Variants in ZNF346 observed in about 807,000 individuals in gnomAD.
The protein encoded by ZNF346 is zinc finger protein 346, also known as double-stranded RNA-binding zinc finger protein JAZ.
ZNF346 carries 23 observed loss-of-function variants against 33.7 expected under a neutral mutation model. That is an observed-to-expected ratio of 0.68 (90% CI 0.49 to 0.97). The LOEUF (loss-of-function observed/expected upper bound fraction) is 0.97, where lower values mean the gene tolerates loss of function less well. Ranked by LOEUF, ZNF346 falls within the 50% of genes least tolerant of loss-of-function variation. ZNF346 has a pLI of 0.00. For missense variants in ZNF346, 340 were observed against 371.1 expected (o/e 0.92, Z 0.69); for synonymous variants, 134 against 142.4 (o/e 0.94, Z 0.42).
chr5:177,035,745 C>T (rs370953434), intron 1 of ZNF346, among the ~76,000 whole-genome samples: 2 of 121,544 alleles, frequency 1.6e-5, no homozygotes, highest in Non-Finnish European at 3.4e-5. Context: ...AATCGATTCT[C>T]CTGCCTCAGC....
chr5:177,060,427 A>G (rs925877739), intron 5 of ZNF346, among the ~76,000 whole-genome samples: 7 of 152,078 alleles, frequency 4.6e-5, no homozygotes, highest in African/African-American at 1.7e-4. Flanking sequence ...AGGCTGAAGC[A>G]GGAGAATTGC....
At chr5:177,069,036 T>C (rs928469787), downstream of ZNF346, among the ~76,000 whole-genome samples, 2 of 143,258 alleles carry the variant, frequency 1.4e-5, no homozygotes, top group African/African-American at 3.0e-5. Context: ...AAGCAACCAC[T>C]ATTTTGACCT....
intron 5 of ZNF346, among the ~76,000 whole-genome samples, chr5:177,061,312 G>C (rs573315233): frequency 6.6e-6 from 1 of 151,894 alleles, no homozygotes; most frequent in African/African-American, 2.4e-5. Context: ...GGGTGTGGTG[G>C]CACATGCCTG....
At chr5:177,057,291 T>C (rs1781818457) in intron 5 of ZNF346, among the ~76,000 whole-genome samples, 1 of 150,198 alleles carries the variant, frequency 6.7e-6, no homozygotes, top group Admixed American at 6.7e-5. Flanking sequence ...TGAAACTCTG[T>C]CTCAAAAAAA....
intron 3 of ZNF346, among the ~76,000 whole-genome samples, chr5:177,044,109 C>G (rs566471624): frequency 6.6e-6 from 1 of 151,326 alleles, no homozygotes; most frequent in African/African-American, 2.4e-5. Context: ...TAAATTGGGT[C>G]TTGAAGGCTA....
chr5:177,034,622 A>G (rs1422696890), intron 1 of ZNF346, among the ~76,000 whole-genome samples: 2 of 152,222 alleles, frequency 1.3e-5, no homozygotes, highest in Non-Finnish European at 2.9e-5. Context: ...CCTGTGCTTC[A>G]TACTCTAGAT....
At chr5:177,046,272 G>A (rs182012839) in intron 4 of ZNF346, among the ~76,000 whole-genome samples, 20 of 143,718 alleles carry the variant, frequency 1.4e-4, no homozygotes, top group Non-Finnish European at 2.4e-4. Flanking sequence ...TTGTACACCA[G>A]CCTGGGGGAC....
At chr5:177,028,974 C>T (rs1336126387) in intron 1 of ZNF346, among the ~76,000 whole-genome samples, 2 of 151,862 alleles carry the variant, frequency 1.3e-5, no homozygotes, top group Non-Finnish European at 2.9e-5. Flanking sequence ...CCTCCTCGGC[C>T]TCCCAAAGTG....
At chr5:177,073,139 T>C (rs1000895493) in intron 8 of ZNF346, among the ~76,000 whole-genome samples, 1 of 152,210 alleles carries the variant, frequency 6.6e-6, no homozygotes, top group African/African-American at 2.4e-5. Context: ...TAGAAACTGC[T>C]TGAGGGCAGG....
intron 5 of ZNF346, among the ~76,000 whole-genome samples, chr5:177,055,721 A>C (rs921204338): frequency 2.0e-5 from 3 of 152,098 alleles, no homozygotes; most frequent in Non-Finnish European, 4.4e-5. Context: ...TAGGTGGATC[A>C]CTTGAGGTCG....
rs770917347 is a variant in ZNF346 at position 177,044,384 on chromosome 5, A to T, written c.373-5A>T. The T allele has an allele frequency of 4.3e-6, 7 of 1,613,996 alleles. No individual in the cohort carries two copies. The Admixed American group carries it at 1.2e-4, about 27-fold the overall frequency. Reference sequence around the variant, plus strand: ...GATCAGACCTGTGTTCTTTCTTCCAACCAGAAGAGCAGCAGAAGCAAAGAC... The same window carrying T: ...GATCAGACCTGTGTTCTTTCTTCCATCCAGAAGAGCAGCAGAAGCAAAGAC... On this transcript the variant is annotated splice_region_variant and splice_polypyrimidine_tract_variant and intron_variant, in intron 3 of 6. Coordinates refer to ENST00000358149, the MANE Select transcript of ZNF346 (RefSeq NM_012279.4).
intron 1 of ZNF346, among the ~76,000 whole-genome samples, chr5:177,024,155 T>TACACACACACACACACAC (rs1265518619): frequency 1.2e-4 from 2 of 16,600 alleles, no homozygotes; most frequent in South Asian, 4.4e-3. Flanking sequence ...GTATTTTATG[T>TACACACACACACACACAC]ATACACACAC....
chr5:177,035,462 A>AT (rs750860460), intron 1 of ZNF346, among the ~76,000 whole-genome samples: 2,013 of 142,770 alleles, frequency 0.014, 69 homozygotes, highest in Admixed American at 0.079. Flanking sequence ...AATTTTGACA[A>AT]TTTTTTTTTT....
At position 177,077,439 on chromosome 5, in the gene ZNF346, T is replaced by C. The variant is rs1783805025; in HGVS notation, c.*3-1943T>C. On this transcript the variant is annotated intron_variant, in intron 8 of 8. Coordinates refer to the ZNF346 transcript ENST00000503039. The surrounding 1 kb of genome is among the most constrained non-coding windows in gnomAD (Gnocchi z 5.0). ...AAGAAGGAATGGCTTCAGGCAAGGCTTGATCCGGGTGCACTCCAGCTCTTG... is the reference window on the plus strand; with the variant it reads ...AAGAAGGAATGGCTTCAGGCAAGGCCTGATCCGGGTGCACTCCAGCTCTTG... Among the ~76,000 whole-genome samples, 2 of 152,334 alleles carry C rather than the reference T, an allele frequency of 1.3e-5. No individual in the cohort carries two copies. Among genetic ancestry groups the C allele is most frequent in the South Asian group, 4.1e-4 (2 of 4,824 alleles).
exon 9 of ZNF346, chr5:177,081,140 C>T (rs1783962684): frequency 6.7e-6 from 1 of 149,974 alleles, no homozygotes; most frequent in Admixed American, 6.7e-5. Flanking sequence ...ATGGTATGAC[C>T]CTGTGTACTT....
At chr5:177,044,583 G>A (rs1779790465) in intron 4 of ZNF346, 50 bp downstream of exon 4, 1 of 1,598,958 alleles carries the variant, frequency 6.3e-7, no homozygotes, top group African/African-American at 1.3e-5. Flanking sequence ...CCGTCCTCAG[G>A]GCACTACTGC....
At chr5:177,040,751 G>A (rs1250070336) in intron 1 of ZNF346, among the ~76,000 whole-genome samples, 1 of 152,200 alleles carries the variant, frequency 6.6e-6, no homozygotes, top group East Asian at 1.9e-4. Context: ...AGAAGTTTCA[G>A]TTGGGTGCTA....
At chr5:177,078,305 C>T (rs866101547) in intron 8 of ZNF346, among the ~76,000 whole-genome samples, 1 of 152,174 alleles carries the variant, frequency 6.6e-6, no homozygotes, top group African/African-American at 2.4e-5. Flanking sequence ...AAAGACGCCA[C>T]GGTGTCAGCC....
chr5:177,034,575 T>G (rs1778211012), intron 1 of ZNF346, among the ~76,000 whole-genome samples: 1 of 152,202 alleles, frequency 6.6e-6, no homozygotes, highest in South Asian at 2.1e-4. Flanking sequence ...ACAAAAGTTC[T>G]CTGTGTTCCT....
Sources: gnomAD v4.1 joint callset for allele counts (sites outside exome capture counted in the v4.1 genomes callset) on GRCh38, gnomAD v4.1.1 for gene constraint, Gnocchi (gnomAD v3.1) non-coding constraint, MANE v1.5 for transcripts, NCBI Gene and HGNC (gene_info 2026-07-23, HGNC 2026-07-21) for gene names.